Variants in TNIK observed in about 807,000 individuals in gnomAD.
The protein encoded by TNIK is TRAF2 and NCK interacting kinase.
A neutral mutation model predicts 191.3 loss-of-function variants in TNIK; 49 were observed. The observed-to-expected ratio is 0.26, with a 90% confidence interval of 0.20 to 0.32. TNIK has a LOEUF of 0.32. TNIK is among the 10% of genes least tolerant of loss of function. The pLI, the probability that TNIK is intolerant of heterozygous loss-of-function variation, is 1.00. For synonymous variants in TNIK, 594 were observed against 600.9 expected (o/e 0.99, Z 0.17); for missense variants, 1,155 against 1,702.3 (o/e 0.68, Z 5.66).
intron 2 of TNIK, among the ~76,000 whole-genome samples, chr3:171,280,140 T>A (rs920453638): frequency 1.3e-5 from 2 of 152,168 alleles, no homozygotes; most frequent in Non-Finnish European, 2.9e-5. Context: ...CATGAATGGA[T>A]GGGCACCACA....
intron 2 of TNIK, among the ~76,000 whole-genome samples, chr3:171,241,658 T>G (rs2109040861): frequency 6.6e-6 from 1 of 152,338 alleles, no homozygotes; most frequent in Admixed American, 6.5e-5. Flanking sequence ...CAGAGGTAAC[T>G]GCATCTCTAA....
intron 2 of TNIK, among the ~76,000 whole-genome samples, chr3:171,248,211 G>A (rs1745828089): frequency 6.6e-6 from 1 of 152,210 alleles, no homozygotes; most frequent in Admixed American, 6.5e-5. Flanking sequence ...AAAAGGCATA[G>A]AAGAAGGTCA....
Position 171,087,587 on chromosome 3 carries a change from G to T in TNIK, c.2722-81C>A. 18 of 1,477,604 alleles carry T rather than the reference G, an allele frequency of 1.2e-5. No individual in the cohort carries two copies. The South Asian group carries it at 2.2e-4, about 18-fold the overall frequency. The allele number at this position is 1,477,604 out of a possible 1,614,324, so 91.5% of individuals were successfully genotyped here. A position where few individuals can be genotyped will look rare whatever the true frequency, so the allele number is the denominator to read the frequency against. ...TGACATCAGCCCTCACACAGCATAG[G>T]CATACGGGGCTCCAAATCAACCCAC... On this transcript the variant is annotated intron_variant, in intron 23 of 32. Transcript: ENST00000436636.
intron 2 of TNIK, among the ~76,000 whole-genome samples, chr3:171,295,677 C>T (rs150073538): frequency 6.6e-5 from 10 of 152,118 alleles, no homozygotes; most frequent in African/African-American, 2.4e-4. Flanking sequence ...AAATTAAGAA[C>T]ATTTTACACT....
chr3:171,306,921 T>C lies in TNIK; in HGVS notation c.123+62699A>G, dbSNP rs147554949. ...TGGGAAAAACCTCAGCCAGCAGCGA[T>C]GGGAACTGACTAGTCAGACTTGGCA... On this transcript the variant is annotated intron_variant, in intron 2 of 32. Transcript: ENST00000436636. Among the ~76,000 whole-genome samples the C allele has an allele frequency of 5.9e-5, 9 of 152,192 alleles. No homozygotes were observed. In the East Asian group the frequency reaches 1.7e-3, roughly 29 times the overall value.
At chr3:171,448,761 T>A (rs1434965501) in intron 1 of TNIK, among the ~76,000 whole-genome samples, 1 of 152,096 alleles carries the variant, frequency 6.6e-6, no homozygotes, top group Non-Finnish European at 1.5e-5. Context: ...TGTCTACTTA[T>A]TATTATTATA....
intron 3 of TNIK, among the ~76,000 whole-genome samples, chr3:171,216,687 A>C (rs1741490521): frequency 6.6e-6 from 1 of 152,218 alleles, no homozygotes; most frequent in African/African-American, 2.4e-5. Flanking sequence ...ATTTAAAATT[A>C]AATGAGAATT....
At chr3:171,090,185 G>A (rs779011055) in intron 23 of TNIK, among the ~76,000 whole-genome samples, 6 of 152,162 alleles carry the variant, frequency 3.9e-5, no homozygotes, top group Non-Finnish European at 8.8e-5. Context: ...AAGAGCAAAG[G>A]AGAAATGTGG....
At chr3:171,083,658 G>C (rs1044942821) in intron 26 of TNIK, among the ~76,000 whole-genome samples, 1 of 152,162 alleles carries the variant, frequency 6.6e-6, no homozygotes, top group Non-Finnish European at 1.5e-5. Context: ...TCTTGTTATT[G>C]CTAGGGTTAT....
chr3:171,355,953 G>A (rs1034709700), intron 2 of TNIK, among the ~76,000 whole-genome samples: 3 of 152,042 alleles, frequency 2.0e-5, no homozygotes, highest in Non-Finnish European at 4.4e-5. Context: ...CAAAGAGTAA[G>A]CAACTTGCTA....
chr3:171,166,184 A>G (rs187331597), intron 10 of TNIK, among the ~76,000 whole-genome samples: 1 of 152,312 alleles, frequency 6.6e-6, no homozygotes, highest in East Asian at 1.9e-4. Context: ...TGGAATGCAA[A>G]GTTCAAAAGT....
chr3:171,438,452 C>G (rs772404235), intron 1 of TNIK, among the ~76,000 whole-genome samples: 5 of 152,218 alleles, frequency 3.3e-5, no homozygotes, highest in Non-Finnish European at 7.3e-5. Context: ...ATGCAGGATC[C>G]AAACACGATG....
chr3:171,313,106 C>T (rs1375557030), intron 2 of TNIK, among the ~76,000 whole-genome samples: 2 of 152,062 alleles, frequency 1.3e-5, no homozygotes, highest in East Asian at 1.9e-4. Flanking sequence ...TGTGTAGAAA[C>T]TACTGAAGAG....
intron 2 of TNIK, among the ~76,000 whole-genome samples, chr3:171,361,747 T>C (rs1245701763): frequency 6.6e-6 from 1 of 152,204 alleles, no homozygotes; most frequent in African/African-American, 2.4e-5. Context: ...CCTCCTATTG[T>C]AATAAATGAC....
At chr3:171,430,039 C>A (rs1025353064) in intron 1 of TNIK, among the ~76,000 whole-genome samples, 1 of 152,092 alleles carries the variant, frequency 6.6e-6, no homozygotes, top group Non-Finnish European at 1.5e-5. Flanking sequence ...GTAGATAGAG[C>A]CCACCTCCCT....
At chr3:171,417,519 G>A (rs938357431) in intron 1 of TNIK, among the ~76,000 whole-genome samples, 1 of 151,948 alleles carries the variant, frequency 6.6e-6, no homozygotes, top group Non-Finnish European at 1.5e-5. Context: ...ATTGTGAAAG[G>A]TATTATAACT....
chr3:171,092,069 C>T (rs1281388659), intron 23 of TNIK, among the ~76,000 whole-genome samples: 2 of 151,806 alleles, frequency 1.3e-5, no homozygotes, highest in Non-Finnish European at 2.9e-5. Context: ...CCTGCCTCAG[C>T]CTCCTGAGTA....
chr3:171,420,520 T>C (rs1167451900), intron 1 of TNIK, among the ~76,000 whole-genome samples: 2 of 152,056 alleles, frequency 1.3e-5, no homozygotes, highest in African/African-American at 4.8e-5. Context: ...TAGCTATGAG[T>C]GCAAGACTCC....
intron 2 of TNIK, among the ~76,000 whole-genome samples, chr3:171,283,693 A>G (rs1478227812): frequency 6.6e-6 from 1 of 152,208 alleles, no homozygotes; most frequent in East Asian, 1.9e-4. Flanking sequence ...AGTTCCCACC[A>G]TGCCACTAGG....
Sources: allele counts gnomAD v4.1 joint callset (sites outside exome capture counted in the v4.1 genomes callset), GRCh38; gene constraint gnomAD v4.1.1; transcripts MANE v1.5; gene names NCBI Gene and HGNC (gene_info 2026-07-23, HGNC 2026-07-21).